The following ZNF385B variants were observed in gnomAD, a reference collection of about 807,000 sequenced individuals.
ZNF385B encodes the protein zinc finger protein 385B, also known as zinc finger protein 533.
In ZNF385B, 23 loss-of-function variants were observed where a neutral mutation model predicts 39.2. That is an observed-to-expected ratio of 0.59 (90% confidence interval 0.42 to 0.83). The LOEUF is 0.83. Ranked by LOEUF, ZNF385B falls within the 40% of genes least tolerant of loss-of-function variation. ZNF385B has a pLI of 0.00. For missense variants in ZNF385B, 552 were observed against 598.9 expected (o/e 0.92, Z 0.82); for synonymous variants, 205 against 222.6 (o/e 0.92, Z 0.70).
At chr2:179,474,257 A>T (rs1275209133) in intron 6 of ZNF385B, among the ~76,000 whole-genome samples, 2 of 152,140 alleles carry the variant, frequency 1.3e-5, no homozygotes, top group African/African-American at 4.8e-5. Flanking sequence ...CTTCATCCAG[A>T]TGTAGTGAGT....
At chr2:179,546,841 A>C (rs1472126877) in intron 3 of ZNF385B, among the ~76,000 whole-genome samples, 5 of 149,524 alleles carry the variant, frequency 3.3e-5, no homozygotes, top group Admixed American at 6.6e-5. Context: ...TTACCTTTCC[A>C]CCAACAGTGG....
At chr2:179,787,693 AC>A (rs1249270468) in intron 1 of ZNF385B, among the ~76,000 whole-genome samples, 1 of 152,114 alleles carries the variant, frequency 6.6e-6, no homozygotes, top group East Asian at 1.9e-4. Flanking sequence ...TATCTTGGAG[AC>A]CATTCCAGTG....
chr2:179,749,744 C>T (rs1401497571), intron 3 of ZNF385B, among the ~76,000 whole-genome samples: 2 of 152,038 alleles, frequency 1.3e-5, no homozygotes, highest in South Asian at 2.1e-4. Flanking sequence ...TTTAAATATG[C>T]CTTTGATGAT....
intron 3 of ZNF385B, among the ~76,000 whole-genome samples, chr2:179,551,313 G>A (rs2060550436): frequency 6.6e-6 from 1 of 152,040 alleles, no homozygotes; most frequent in East Asian, 1.9e-4. Flanking sequence ...TGAGACAGGA[G>A]TAATACAAGG....
At chr2:179,479,834 G>A (rs546760355) in intron 6 of ZNF385B, among the ~76,000 whole-genome samples, 28 of 152,146 alleles carry the variant, frequency 1.8e-4, no homozygotes, top group Non-Finnish European at 5.9e-5. Flanking sequence ...GCGAGACTCT[G>A]TCTCAAAAAA....
At chr2:179,760,219 T>TGTGCGC (rs1553525636) in intron 3 of ZNF385B, among the ~76,000 whole-genome samples, 26 of 114,208 alleles carry the variant, frequency 2.3e-4, no homozygotes, top group Non-Finnish European at 4.2e-4. Context: ...TGGATTCCTG[T>TGTGCGC]GTGCGTGTGT....
Position 179,700,212 on chromosome 2 carries a change from C to T in ZNF385B, c.298+69291G>A, listed in dbSNP as rs114679427. Among the ~76,000 whole-genome samples the T allele has an allele frequency of 5.7e-3, 865 of 152,248 alleles. 6 individuals carry two copies. The highest frequency in any genetic ancestry group is 0.02 in the African/African-American group (817 of 41,542). On this transcript the variant is annotated intron_variant, in intron 3 of 9. Coordinates refer to ENST00000410066, the MANE Select transcript of ZNF385B (RefSeq NM_152520.6). Reference sequence around the variant, plus strand: ...CTGTCTTAAATGATCCTTCTCTGTACTAACTCCTCAAGTTCTGCAGCCCAT... The same window carrying T: ...CTGTCTTAAATGATCCTTCTCTGTATTAACTCCTCAAGTTCTGCAGCCCAT...
chr2:179,446,376 C>A (rs1193290479), intron 7 of ZNF385B, 149 bp downstream of exon 7: 1 of 1,102,056 alleles, frequency 9.1e-7, no homozygotes, highest in Non-Finnish European at 1.2e-6. Context: ...GTCATATGAT[C>A]ATACTTTTCT....
At chr2:179,748,382 T>G (rs1702499011) in intron 3 of ZNF385B, among the ~76,000 whole-genome samples, 1 of 152,140 alleles carries the variant, frequency 6.6e-6, no homozygotes, top group Non-Finnish European at 1.5e-5. Flanking sequence ...CAACCTACCT[T>G]AATTTTCAAA....
chr2:179,792,532 C>T lies in ZNF385B; in HGVS notation c.-154-21860G>A, dbSNP rs186574176. ...TGGGATTACAGGTGTACCCACCATG[C>T]CTGGCTAATTTTTTGTATTTTTAGT... is the stretch of plus-strand genomic sequence containing the variant. On this transcript the variant is annotated intron_variant, in intron 1 of 9. Transcript: ENST00000410066. Among the ~76,000 whole-genome samples the T allele has an allele frequency of 3.7e-3, 569 of 151,934 alleles. 5 individuals are homozygous for T. The highest frequency in any genetic ancestry group is 0.013 in the African/African-American group (539 of 41,468).
At chr2:179,644,479 T>C (rs6756679) in intron 3 of ZNF385B, among the ~76,000 whole-genome samples, 10,011 of 152,224 alleles carry the variant, frequency 0.066, 474 homozygotes, top group East Asian at 0.18. Flanking sequence ...TTACCAAAAA[T>C]AGATGTAACA....
intron 3 of ZNF385B, among the ~76,000 whole-genome samples, chr2:179,586,245 T>C (rs1373662283): frequency 6.6e-6 from 1 of 152,132 alleles, no homozygotes; most frequent in Non-Finnish European, 1.5e-5. Flanking sequence ...ACTTTTCTTT[T>C]GGTGCCCCCA....
chr2:179,510,680 C>G (rs2057609922), intron 5 of ZNF385B, among the ~76,000 whole-genome samples: 1 of 151,736 alleles, frequency 6.6e-6, no homozygotes, highest in African/African-American at 2.4e-5. Flanking sequence ...AAAAAAACTT[C>G]ATAAATAAAT....
intron 5 of ZNF385B, among the ~76,000 whole-genome samples, chr2:179,492,544 T>C (rs2055351317): frequency 6.6e-6 from 1 of 152,172 alleles, no homozygotes; most frequent in African/African-American, 2.4e-5. Flanking sequence ...TCCTTTTGTT[T>C]GACAAACAAT....
At chr2:179,618,219 AATGATT>A (rs1311435708) in intron 3 of ZNF385B, among the ~76,000 whole-genome samples, 1 of 152,242 alleles carries the variant, frequency 6.6e-6, no homozygotes, top group African/African-American at 2.4e-5. Context: ...TCAGTTTACT[AATGATT>A]ATAATTTTAG....
At chr2:179,752,642 T>A (rs530534466) in intron 3 of ZNF385B, among the ~76,000 whole-genome samples, 1 of 152,304 alleles carries the variant, frequency 6.6e-6, no homozygotes, top group East Asian at 1.9e-4. Flanking sequence ...TGGTGTGAGA[T>A]GGTATCTCAT....
At chr2:179,543,983 C>T (rs1388956876) in intron 4 of ZNF385B, among the ~76,000 whole-genome samples, 2 of 152,182 alleles carry the variant, frequency 1.3e-5, no homozygotes, top group Non-Finnish European at 2.9e-5. Context: ...GCAGCATTTA[C>T]AATGCTGTAT....
intron 3 of ZNF385B, among the ~76,000 whole-genome samples, chr2:179,761,191 TGTCAA>T (rs1259256975): frequency 1.3e-5 from 2 of 152,178 alleles, no homozygotes; most frequent in Non-Finnish European, 2.9e-5. Context: ...TTTTCTTCTT[TGTCAA>T]GTTTTAGCTA....
chr2:179,751,114 T>G (rs543705233), intron 3 of ZNF385B, among the ~76,000 whole-genome samples: 1 of 152,170 alleles, frequency 6.6e-6, no homozygotes, highest in African/African-American at 2.4e-5. Context: ...AGTAGTAATT[T>G]TTATTCCTGA....
Sources: gnomAD v4.1 joint callset for allele counts (sites outside exome capture counted in the v4.1 genomes callset) on GRCh38, gnomAD v4.1.1 for gene constraint, MANE v1.5 for transcripts, NCBI Gene and HGNC (gene_info 2026-07-23, HGNC 2026-07-21) for gene names.